The following POU5F1 variants were observed in gnomAD, a reference collection of about 807,000 sequenced individuals.
The protein encoded by POU5F1 is POU domain, class 5, transcription factor 1.
Under a neutral mutation model 38.3 loss-of-function variants are expected in POU5F1, and 6 were observed. That is an observed-to-expected ratio of 0.16 (90% CI 0.09 to 0.31). POU5F1 has a LOEUF of 0.31. POU5F1 is among the 10% of genes least tolerant of loss of function. The pLI, the probability that POU5F1 is intolerant of heterozygous loss-of-function variation, is 1.00. For synonymous variants in POU5F1, 147 were observed against 194.9 expected, an observed-to-expected ratio of 0.75 and a Z score of 2.05; for missense variants, 286 against 462.6, an observed-to-expected ratio of 0.62 and a Z score of 3.50.
At chr6:31,169,988 G>A (rs1485933179) in intron 1 of POU5F1, 14 of 675,428 alleles carry the variant, frequency 2.1e-5, no homozygotes, top group Non-Finnish European at 3.2e-5. Flanking sequence ...AGGCTGCTCT[G>A]CCCTCACCGG....
intron 1 of POU5F1, chr6:31,169,855 G>C (rs9263810): frequency 0.14 from 52,179 of 381,174 alleles, 4,075 homozygotes; most frequent in African/African-American, 0.16. Flanking sequence ...CCAACCCCAA[G>C]CTGGGTCTGG....
chr6:31,169,412 T>C (rs1418847547), intron 1 of POU5F1, among the ~76,000 whole-genome samples: 1 of 152,210 alleles, frequency 6.6e-6, no homozygotes, highest in Non-Finnish European at 1.5e-5. Flanking sequence ...ACATCTTTAA[T>C]AGTCCTCAGC....
Position 31,165,856 on chromosome 6 carries a change from C to A in POU5F1, c.526+71G>T. ...CATGGGTGAGGGTAGTCTGCCCCTG[C>A]CCCTCCCCACTAGGTTCAGGGATAC... On this transcript the variant is annotated intron_variant, in intron 2 of 4. Transcript: ENST00000259915. The surrounding 1 kb of genome is among the most constrained non-coding windows in gnomAD (Gnocchi z 6.5). 6.3e-7 allele frequency: 1 copy of A among 1,597,020 alleles called. No homozygotes were observed. The highest frequency in any genetic ancestry group is 8.6e-7 in the Non-Finnish European group (1 of 1,168,950).
intron 1 of POU5F1, chr6:31,166,911 C>A: frequency 7.7e-7 from 1 of 1,305,294 alleles, no homozygotes; most frequent in Non-Finnish European, 1.0e-6. Context: ...TAACAGGTGT[C>A]ATAAGAATGG....
At chr6:31,170,162 G>GC in intron 1 of POU5F1, 54 bp downstream of exon 1, 1 of 1,611,992 alleles carries the variant, frequency 6.2e-7, no homozygotes, top group Non-Finnish European at 8.5e-7. Flanking sequence ...TCCCCATCAG[G>GC]CTGCCCTGTC....
At position 31,165,433 on chromosome 6, in the gene POU5F1, CCAG is replaced by C; in HGVS notation, c.657+135_657+137del. The C allele has an allele frequency of 6.4e-6, 10 of 1,567,402 alleles. 1 individual carries two copies. The South Asian group carries it at 1.0e-4, about 16-fold the overall frequency. ...GGAAGGGTTGGCTCTGGACCTTATC[CCAG>C]CAGAACTGAGGAATTTCACTCCATC... On this transcript the variant is annotated intron_variant, in intron 3 of 4. Coordinates refer to ENST00000259915, the MANE Select transcript of POU5F1 (RefSeq NM_002701.6). This position sits in a 1 kb window ranked among gnomAD's most constrained non-coding sequence, Gnocchi z 6.5.
At chr6:31,167,017 T>C (rs977786363) in intron 1 of POU5F1, 3 of 703,912 alleles carry the variant, frequency 4.3e-6, no homozygotes, top group African/African-American at 3.5e-5. Flanking sequence ...AATTGATTTT[T>C]AAATTCAAGA....
chr6:31,170,410 C>T lies in POU5F1; in HGVS notation c.211G>A (p.Gly71Arg), dbSNP rs753248478. 1.2e-6 allele frequency: 2 copies of T among 1,612,478 alleles called. No individual in the cohort carries two copies. Among genetic ancestry groups the T allele is most frequent in the Non-Finnish European group, 1.7e-6 (2 of 1,179,836 alleles). ...TGGGGCCCACAGTACGCCATCCCCC[C>T]ACAGAACTCATACGGCGGGGGGCAT... ...PPCPPPYEFC[G>R]GMAYCGPQVG... Residue 71 changes from glycine (G) to arginine (R), a missense_variant, in exon 1 of 5, where the codon GGG becomes AGG. This residue lies in a region of POU5F1 where 176 missense variants were observed against 184.8 expected (regional missense o/e 0.95). Transcript: ENST00000259915.
At chr6:31,170,047 T>A in intron 1 of POU5F1, 169 bp downstream of exon 1, 1 of 1,085,282 alleles carries the variant, frequency 9.2e-7, no homozygotes. Flanking sequence ...GGCCCCTGCC[T>A]GCCAGGGCTG....
intron 1 of POU5F1, among the ~76,000 whole-genome samples, chr6:31,168,478 G>T (rs1444172555): frequency 6.6e-6 from 1 of 152,070 alleles, no homozygotes; most frequent in African/African-American, 2.4e-5. Context: ...CAGGTGATTC[G>T]CCTGCCTCGG....
chr6:31,167,020 A>C (rs769146675), intron 1 of POU5F1: 3 of 688,470 alleles, frequency 4.4e-6, no homozygotes, highest in Admixed American at 4.5e-5. Flanking sequence ...TGATTTTTAA[A>C]TTCAAGAGAT....
At chr6:31,166,377 T>C (rs1777253402) in intron 1 of POU5F1, 1 of 1,403,016 alleles carries the variant, frequency 7.1e-7, no homozygotes, top group African/African-American at 1.4e-5. Context: ...TTAGAAGTTC[T>C]TTGCTGGGCG....
In POU5F1 at chr6:31,165,081, G is replaced by C; in HGVS notation, c.816+47C>G. The C allele has an allele frequency of 1.3e-6, 2 of 1,589,592 alleles. No homozygotes were observed. Among genetic ancestry groups the C allele is most frequent in the Non-Finnish European group, 1.7e-6 (2 of 1,168,442 alleles). ...GAGCCAGAGCTAGGGAAAGCGAGGT[G>C]GTGACAGGGGAAAGAGATGGAGCCC... On this transcript the variant is annotated intron_variant, in intron 4 of 4. Coordinates refer to ENST00000259915, the MANE Select transcript of POU5F1 (RefSeq NM_002701.6). The surrounding 1 kb of genome is among the most constrained non-coding windows in gnomAD (Gnocchi z 6.5).
intron 1 of POU5F1, chr6:31,166,835 C>T: frequency 8.1e-7 from 1 of 1,240,570 alleles, no homozygotes. Context: ...TATACTCTCC[C>T]CAGCTTGCTT....
At chr6:31,166,133 C>A (rs748039347) in intron 1 of POU5F1, 86 bp from the exon 2 acceptor site, 1 of 1,613,802 alleles carries the variant, frequency 6.2e-7, no homozygotes, top group Non-Finnish European at 8.5e-7. Flanking sequence ...CAAGAACCTA[C>A]GTGTGGCCCC....
In POU5F1 at chr6:31,165,810, C is replaced by T; in HGVS notation, c.527-109G>A. 2 of 1,557,388 alleles carry T rather than the reference C, an allele frequency of 1.3e-6. No individual in the cohort carries two copies. Among genetic ancestry groups the T allele is most frequent in the Non-Finnish European group, 1.7e-6 (2 of 1,149,644 alleles). On this transcript the variant is annotated intron_variant, in intron 2 of 4. Coordinates refer to ENST00000259915, the MANE Select transcript of POU5F1 (RefSeq NM_002701.6). This position sits in a 1 kb window ranked among gnomAD's most constrained non-coding sequence, Gnocchi z 6.5. ...TCCCAGAGGGAGCTCAAAGCATCTT[C>T]TCCCTCTCCCTACTCCTCTTCATGG...
intron 1 of POU5F1, among the ~76,000 whole-genome samples, chr6:31,167,929 C>T (rs9263804): frequency 0.78 from 118,048 of 151,898 alleles, 46,115 homozygotes; most frequent in Middle Eastern, 0.86. Flanking sequence ...TTAGTCCAAG[C>T]GAAATGATCT....
chr6:31,165,405 C>A lies in POU5F1; in HGVS notation c.658-119G>T. The A allele has an allele frequency of 6.4e-7, 1 of 1,560,822 alleles. No homozygotes were observed. The highest frequency in any genetic ancestry group is 8.7e-7 in the Non-Finnish European group (1 of 1,150,068). ...AGGTGGTGGTGTGAAAAGGCAGGAT[C>A]CTGGAAGGGTTGGCTCTGGACCTTA... On this transcript the variant is annotated intron_variant, in intron 3 of 4. Transcript: ENST00000259915. The surrounding 1 kb of genome is among the most constrained non-coding windows in gnomAD (Gnocchi z 6.5).
chr6:31,166,488 G>T, intron 1 of POU5F1: 1 of 1,196,380 alleles, frequency 8.4e-7, no homozygotes, highest in Non-Finnish European at 1.1e-6. Flanking sequence ...GTGAAACCCC[G>T]TCTCTACTAA....
Sources: allele counts gnomAD v4.1 joint callset (sites outside exome capture counted in the v4.1 genomes callset), GRCh38; gene constraint gnomAD v4.1.1; regional missense constraint gnomAD v4.1.1; non-coding constraint Gnocchi (gnomAD v3.1); transcripts MANE v1.5; gene names NCBI Gene and HGNC (gene_info 2026-07-23, HGNC 2026-07-21).